Variants in EYS observed in about 807,000 individuals in gnomAD.
EYS encodes the protein protein eyes shut homolog.
EYS carries 250 observed loss-of-function variants against 282.1 expected under a neutral mutation model. The ratio of observed to expected loss-of-function variants is 0.89; its 90% CI spans 0.80 to 0.98. EYS has a LOEUF of 0.98. EYS is among the 50% of genes least tolerant of loss of function. The pLI is 0.00. For missense variants in EYS, 4,016 were observed against 3,709.0 expected (o/e 1.08, Z -2.15); for synonymous variants, 1,355 against 1,282.9 (o/e 1.06, Z -1.20).
At chr6:65,102,150 A>C (rs992307383) in intron 12 of EYS, among the ~76,000 whole-genome samples, 4 of 151,402 alleles carry the variant, frequency 2.6e-5, no homozygotes, top group Non-Finnish European at 5.9e-5. Context: ...GAAACATAGC[A>C]GTACAATTAG....
chr6:64,785,268 T>G lies in EYS; in HGVS notation c.3443+28110A>C, dbSNP rs552834062. The stretch of plus-strand genomic sequence containing the variant: ...TCTTTCTTTCCAGCTTAGTTAGCTG[T>G]TAAAATTTTCCTTACATGTTTTATC... On this transcript the variant is annotated intron_variant, in intron 22 of 42. Coordinates refer to ENST00000503581, the MANE Select transcript of EYS (RefSeq NM_001142800.2). Among the ~76,000 whole-genome samples the G allele has an allele frequency of 3.3e-5, 5 of 152,320 alleles. No homozygotes were observed. The East Asian group carries it at 9.7e-4, about 29-fold the overall frequency.
At chr6:63,742,792 C>T (rs940508720) in intron 41 of EYS, among the ~76,000 whole-genome samples, 3 of 152,120 alleles carry the variant, frequency 2.0e-5, no homozygotes, top group Non-Finnish European at 2.9e-5. Context: ...TGATTCAATA[C>T]ATGCCTGATT....
intron 12 of EYS, among the ~76,000 whole-genome samples, chr6:65,102,434 ATTCAT>A (rs1774920659): frequency 6.6e-6 from 1 of 151,256 alleles, no homozygotes; most frequent in South Asian, 2.1e-4. Flanking sequence ...CAAACCCAGT[ATTCAT>A]TTCATTTTTT....
chr6:65,249,793 A>G lies in EYS; in HGVS notation c.2023+46070T>C, dbSNP rs369345174. ...AGATGCAGTGGAGAAGATAAATTAT[A>G]AAAGATTGCCCACAGGAGAAATAAT... is the stretch of plus-strand genomic sequence containing the variant. On this transcript the variant is annotated intron_variant, in intron 12 of 42. Transcript: ENST00000503581. Among the ~76,000 whole-genome samples, 11 of 152,224 alleles carry G rather than the reference A, an allele frequency of 7.2e-5. No homozygotes were observed. The East Asian group carries it at 2.1e-3, about 29-fold the overall frequency.
At chr6:64,792,029 C>T (rs2150000974) in intron 22 of EYS, among the ~76,000 whole-genome samples, 1 of 151,946 alleles carries the variant, frequency 6.6e-6, no homozygotes, top group African/African-American at 2.4e-5. Context: ...ATTCATCATC[C>T]TAGTGCAGGT....
chr6:65,427,663 AGGGG>A (rs1767713339), intron 5 of EYS, among the ~76,000 whole-genome samples: 1 of 152,114 alleles, frequency 6.6e-6, no homozygotes, highest in Non-Finnish European at 1.5e-5. Context: ...CAACAGTAAA[AGGGG>A]CACCATTATG....
At chr6:65,483,911 G>A (rs376656086) in intron 5 of EYS, among the ~76,000 whole-genome samples, 6 of 152,010 alleles carry the variant, frequency 3.9e-5, no homozygotes, top group East Asian at 1.9e-4. Flanking sequence ...ATCGGCTCTC[G>A]TGAGACTTAT....
At chr6:64,460,731 G>A (rs1300517398) in intron 26 of EYS, among the ~76,000 whole-genome samples, 2 of 152,136 alleles carry the variant, frequency 1.3e-5, no homozygotes, top group Non-Finnish European at 2.9e-5. Context: ...TCTTCTTAAT[G>A]TTCAGGTTTT....
intron 12 of EYS, among the ~76,000 whole-genome samples, chr6:65,116,938 G>A (rs1410046348): frequency 6.6e-6 from 1 of 152,120 alleles, no homozygotes; most frequent in Non-Finnish European, 1.5e-5. Context: ...GCTTCTGTGG[G>A]CATTTCAAGC....
At chr6:65,679,305 T>C (rs536361343) in intron 1 of EYS, among the ~76,000 whole-genome samples, 4 of 152,072 alleles carry the variant, frequency 2.6e-5, no homozygotes, top group African/African-American at 9.6e-5. Flanking sequence ...TGTATGTGTA[T>C]GTGTGTGCAT....
intron 30 of EYS, among the ~76,000 whole-genome samples, chr6:64,247,489 C>A (rs943661902): frequency 6.6e-6 from 1 of 152,022 alleles, no homozygotes; most frequent in Non-Finnish European, 1.5e-5. Flanking sequence ...CCAAGTAAAT[C>A]GATCTAGGAT....
intron 31 of EYS, among the ~76,000 whole-genome samples, chr6:64,096,416 A>G (rs912352765): frequency 1.3e-5 from 2 of 152,288 alleles, no homozygotes; most frequent in Non-Finnish European, 2.9e-5. Flanking sequence ...GTCTTTTCAC[A>G]TAGTCCCATA....
chr6:63,983,204 T>G (rs1253093755), intron 35 of EYS, among the ~76,000 whole-genome samples: 1 of 151,824 alleles, frequency 6.6e-6, no homozygotes, highest in East Asian at 1.9e-4. Context: ...ATGTTGCTGT[T>G]ATTGTACCAA....
At chr6:64,157,124 A>G (rs183770969) in intron 31 of EYS, among the ~76,000 whole-genome samples, 3,804 of 139,872 alleles carry the variant, frequency 0.027, 145 homozygotes, top group African/African-American at 0.095. Context: ...ATTCCCACCT[A>G]TGAGTGAGAA....
At chr6:65,189,440 T>G (rs774421634) in intron 12 of EYS, among the ~76,000 whole-genome samples, 17 of 151,854 alleles carry the variant, frequency 1.1e-4, no homozygotes, top group Non-Finnish European at 1.8e-4. Context: ...ATGGAACATA[T>G]TAATAAAGTT....
chr6:64,304,516 T>C (rs1016106184), intron 30 of EYS, among the ~76,000 whole-genome samples: 3 of 151,614 alleles, frequency 2.0e-5, no homozygotes, highest in East Asian at 1.9e-4. Context: ...TTTTCCAGGA[T>C]AGACTATATG....
chr6:65,569,714 A>C (rs1343057774), intron 2 of EYS, among the ~76,000 whole-genome samples: 1 of 152,060 alleles, frequency 6.6e-6, no homozygotes, highest in African/African-American at 2.4e-5. Flanking sequence ...AACACAAAGG[A>C]CAGCTTTGAT....
intron 1 of EYS, among the ~76,000 whole-genome samples, chr6:65,642,756 T>C (rs1477070385): frequency 2.0e-5 from 3 of 152,254 alleles, no homozygotes; most frequent in African/African-American, 7.2e-5. Flanking sequence ...CCTGCAGTGA[T>C]TTTAAGAAGA....
At chr6:64,975,331 T>C (rs1770442758) in intron 14 of EYS, among the ~76,000 whole-genome samples, 1 of 151,830 alleles carries the variant, frequency 6.6e-6, no homozygotes, top group Non-Finnish European at 1.5e-5. Context: ...ATAAATAATG[T>C]AAAATTCAAG....
Sources: allele counts gnomAD v4.1 joint callset (sites outside exome capture counted in the v4.1 genomes callset), GRCh38; gene constraint gnomAD v4.1.1; transcripts MANE v1.5; gene names NCBI Gene and HGNC (gene_info 2026-07-23, HGNC 2026-07-21).